Variants in SMOC1 observed in about 807,000 individuals in gnomAD.
SMOC1 encodes the protein SPARC-related modular calcium-binding protein 1.
SMOC1 carries 22 observed loss-of-function variants against 56.3 expected under a neutral mutation model. The ratio of observed to expected loss-of-function variants is 0.39; its 90% CI spans 0.28 to 0.56. The LOEUF (loss-of-function observed/expected upper bound fraction) is 0.56. Among genes scored for constraint, SMOC1 ranks in the 20% least tolerant of loss-of-function variants. The pLI, the probability that SMOC1 is intolerant of heterozygous loss-of-function variation, is 0.61. For synonymous variants in SMOC1, 193 were observed against 215.0 expected (o/e 0.90, Z 0.89); for missense variants, 509 against 565.4 (o/e 0.90, Z 1.01).
chr14:69,933,036 T>G (rs1212944557), intron 1 of SMOC1, among the ~76,000 whole-genome samples: 1 of 151,996 alleles, frequency 6.6e-6, no homozygotes, highest in East Asian at 1.9e-4. Flanking sequence ...ATGAGTATAC[T>G]TAGGGTGACA....
chr14:70,007,791 G>A (rs1885197026), intron 7 of SMOC1, among the ~76,000 whole-genome samples: 1 of 152,158 alleles, frequency 6.6e-6, no homozygotes, highest in African/African-American at 2.4e-5. Context: ...GGATTCATTA[G>A]GTAAAGCCCT....
At chr14:69,947,303 AGGGCCAT>A (rs1179839946) in intron 1 of SMOC1, among the ~76,000 whole-genome samples, 2 of 151,992 alleles carry the variant, frequency 1.3e-5, no homozygotes, top group East Asian at 3.9e-4. Context: ...CCAAGTAACT[AGGGCCAT>A]GGGCATGCAT....
intron 10 of SMOC1, among the ~76,000 whole-genome samples, chr14:70,020,584 G>A (rs1594859508): frequency 6.6e-6 from 1 of 152,268 alleles, no homozygotes; most frequent in East Asian, 1.9e-4. Context: ...ACCTGGAGGG[G>A]CTCAGAGGAT....
chr14:70,012,512 C>A (rs1356309213), intron 9 of SMOC1, among the ~76,000 whole-genome samples: 1 of 152,168 alleles, frequency 6.6e-6, no homozygotes, highest in East Asian at 1.9e-4. Flanking sequence ...GCAGGGAGAA[C>A]CTGCTTTAGA....
chr14:69,879,770 G>T lies in SMOC1; in HGVS notation c.92G>T (p.Gly31Val). Residue 31 changes from glycine (G) to valine (V), a missense_variant, in exon 1 of 12, where the codon GGC (glycine) becomes GTC (valine). Physicochemically the swap from Gly to Val is moderately radical, Grantham distance 109 (BLOSUM62 -3). Around this residue, in one of 3 missense-constraint regions of SMOC1, gnomAD observed 315 missense variants for 333.1 expected, o/e 0.95. Coordinates refer to ENST00000361956, the MANE Select transcript of SMOC1 (RefSeq NM_001034852.3). ...CCTGCTCGCGGCCACCGCACCACAG[G>T]CCCCAGGGTAAGTGCGCCCCCAGCT... ...LSPARGHRTT[G>V]PRFLISDRDP... 1 of 1,589,384 alleles carries T rather than the reference G, an allele frequency of 6.3e-7. No individual in the cohort carries two copies. Among genetic ancestry groups the T allele is most frequent in the African/African-American group, 1.3e-5 (1 of 74,670 alleles).
intron 10 of SMOC1, among the ~76,000 whole-genome samples, chr14:70,019,585 T>C (rs558866080): frequency 2.0e-5 from 3 of 152,216 alleles, no homozygotes; most frequent in South Asian, 2.1e-4. Flanking sequence ...GTGAGACAGG[T>C]TGGGAGCCTG....
chr14:70,013,871 G>A (rs1885419743), intron 10 of SMOC1, among the ~76,000 whole-genome samples: 3 of 152,200 alleles, frequency 2.0e-5, no homozygotes, highest in African/African-American at 4.8e-5. Flanking sequence ...AAAGCACTTT[G>A]CAATTTTCTT....
intron 5 of SMOC1, among the ~76,000 whole-genome samples, chr14:69,981,310 A>C (rs760489301): frequency 5.3e-5 from 8 of 152,122 alleles, no homozygotes; most frequent in Non-Finnish European, 7.4e-5. Context: ...CTATTTACTT[A>C]ATCCCTTGGA....
chr14:69,889,463 A>C (rs1346858717), intron 1 of SMOC1, among the ~76,000 whole-genome samples: 1 of 152,198 alleles, frequency 6.6e-6, no homozygotes, highest in Non-Finnish European at 1.5e-5. Flanking sequence ...GCCTCAGCAT[A>C]GGCTCAGAGG....
At chr14:69,921,044 C>A (rs976139106) in intron 1 of SMOC1, among the ~76,000 whole-genome samples, 3 of 152,174 alleles carry the variant, frequency 2.0e-5, no homozygotes, top group Admixed American at 2.0e-4. Context: ...TAGTTGGTCG[C>A]CCAAAGCCCA....
intron 1 of SMOC1, among the ~76,000 whole-genome samples, chr14:69,909,813 T>C (rs1884508616): frequency 6.6e-6 from 1 of 152,202 alleles, no homozygotes. Context: ...CATTGATTCT[T>C]CGGCCAAAGA....
chr14:70,021,287 A>G (rs1052221039), intron 10 of SMOC1, among the ~76,000 whole-genome samples: 1 of 152,186 alleles, frequency 6.6e-6, no homozygotes, highest in Non-Finnish European at 1.5e-5. Flanking sequence ...ACCTGCACCA[A>G]TAGAATTCCA....
intron 7 of SMOC1, among the ~76,000 whole-genome samples, chr14:69,999,330 C>T (rs936291389): frequency 6.6e-6 from 1 of 152,156 alleles, no homozygotes; most frequent in African/African-American, 2.4e-5. Context: ...TCCCCACCCC[C>T]CAAGCCAGCA....
chr14:69,944,556 G>A (rs985441856), intron 1 of SMOC1, among the ~76,000 whole-genome samples: 1 of 152,066 alleles, frequency 6.6e-6, no homozygotes, highest in African/African-American at 2.4e-5. Context: ...TGAATTTAGG[G>A]TGTCAAAAAA....
At chr14:69,944,039 C>G (rs746506322) in intron 1 of SMOC1, among the ~76,000 whole-genome samples, 6 of 152,202 alleles carry the variant, frequency 3.9e-5, no homozygotes, top group African/African-American at 1.4e-4. Context: ...TGCCCAGCCT[C>G]GGTTTTCTCC....
intron 1 of SMOC1, among the ~76,000 whole-genome samples, chr14:69,924,262 C>T (rs1884930184): frequency 1.3e-5 from 2 of 152,210 alleles, no homozygotes; most frequent in South Asian, 2.1e-4. Flanking sequence ...GACCTCACCT[C>T]CCAAATGCAT....
intron 1 of SMOC1, among the ~76,000 whole-genome samples, chr14:69,918,696 A>G (rs1222418336): frequency 6.6e-6 from 1 of 152,214 alleles, no homozygotes; most frequent in East Asian, 1.9e-4. Context: ...GACTGTTTTA[A>G]GGTTTAAATG....
intron 1 of SMOC1, among the ~76,000 whole-genome samples, chr14:69,948,006 C>T (rs1365231315): frequency 6.6e-6 from 1 of 152,220 alleles, no homozygotes; most frequent in African/African-American, 2.4e-5. Flanking sequence ...ATGGTAATCT[C>T]ACTGAGGGTG....
intron 1 of SMOC1, among the ~76,000 whole-genome samples, chr14:69,939,870 T>C (rs1276829737): frequency 6.6e-6 from 1 of 152,204 alleles, no homozygotes; most frequent in African/African-American, 2.4e-5. Flanking sequence ...GCTGTGCCCA[T>C]GGTGAAAGCC....
Sources: allele counts gnomAD v4.1 joint callset (sites outside exome capture counted in the v4.1 genomes callset), GRCh38; gene constraint gnomAD v4.1.1; regional missense constraint gnomAD v4.1.1; transcripts MANE v1.5; gene names NCBI Gene and HGNC (gene_info 2026-07-23, HGNC 2026-07-21).